EIF2AK1: variants seen among roughly 807,000 people sequenced by gnomAD.
EIF2AK1 encodes the protein eukaryotic translation initiation factor 2-alpha kinase 1.
A neutral mutation model predicts 77.9 loss-of-function variants in EIF2AK1; 54 were observed. The observed-to-expected ratio is 0.69, with a 90% CI of 0.56 to 0.87. EIF2AK1 has a LOEUF of 0.87. Among genes scored for constraint, EIF2AK1 ranks in the 40% least tolerant of loss-of-function variants. The probability of loss-of-function intolerance (pLI) is 0.00; values close to 1 mark genes in which losing one functional copy is unlikely to be tolerated. For synonymous variants in EIF2AK1, 314 were observed against 290.5 expected (o/e 1.08, Z -0.82); for missense variants, 810 against 768.6 (o/e 1.05, Z -0.64).
chr7:6,023,113 T>C lies in EIF2AK1; in HGVS notation c.*1560A>G, dbSNP rs551032530. On this transcript the variant is annotated 3_prime_UTR_variant, in exon 15 of 15. Transcript: ENST00000199389. The stretch of plus-strand genomic sequence containing the variant: ...TGACTCTTTGGTTACTTTTTTAACA[T>C]AGTTTGCACTTAAACCCTTTTCAGT... The C allele has an allele frequency of 3.9e-5, 25 of 635,976 alleles. No homozygotes were observed. In the South Asian group the frequency reaches 6.1e-4, roughly 16 times the overall value. The allele number at this position is 635,976 out of a possible 1,614,324, so 39.4% of individuals were successfully genotyped here.
intron 12 of EIF2AK1, 75 bp downstream of exon 12, chr7:6,028,843 T>G: frequency 6.8e-7 from 1 of 1,461,864 alleles, no homozygotes; most frequent in East Asian, 2.3e-5. Context: ...ATCTTTATGA[T>G]TCTCTTTAAA....
In EIF2AK1 at chr7:6,059,072, G is replaced by A; in HGVS notation, c.12C>T (p.Gly4=). 2 of 1,447,444 alleles carry A rather than the reference G, an allele frequency of 1.4e-6. No homozygotes were observed. Among genetic ancestry groups the A allele is most frequent in the African/African-American group, 1.5e-5 (1 of 67,222 alleles). 89.7% of individuals were successfully genotyped at this position (1,447,444 alleles called of 1,614,324 possible). MQG[G]NSGVRKREEE... ...CTTCGCGCTTGCGGACCCCGGAGTT[G>A]CCCCCCTGCATCGCCGGCCGCGCGC... The change falls in exon 1 of 15, where the codon GGC becomes GGT. Residue 4 remains glycine (G), a synonymous_variant. Transcript: ENST00000199389.
chr7:6,031,674 T>A, intron 11 of EIF2AK1: 1 of 1,362,520 alleles, frequency 7.3e-7, no homozygotes, highest in Non-Finnish European at 1.0e-6. Flanking sequence ...GTGAACCCAC[T>A]AAGCTCACGG....
At chr7:6,025,293 C>T (rs113606686) in intron 14 of EIF2AK1, among the ~76,000 whole-genome samples, 18 of 152,332 alleles carry the variant, frequency 1.2e-4, no homozygotes, top group African/African-American at 3.6e-4. Flanking sequence ...TCAAGAACCA[C>T]ATCTGTGGCT....
intron 6 of EIF2AK1, 35 bp downstream of exon 6, chr7:6,046,036 A>G (rs1203180813): frequency 7.4e-7 from 1 of 1,357,234 alleles, no homozygotes; most frequent in South Asian, 1.3e-5. Context: ...CTAAATACAC[A>G]ATTATTCAAA....
chr7:6,025,152 A>G (rs1353750120), intron 14 of EIF2AK1, among the ~76,000 whole-genome samples: 1 of 151,844 alleles, frequency 6.6e-6, no homozygotes, highest in Non-Finnish European at 1.5e-5. Flanking sequence ...GTTTCATTTT[A>G]TACAAAAAAC....
intron 2 of EIF2AK1, among the ~76,000 whole-genome samples, chr7:6,053,234 A>C (rs1788657028): frequency 6.6e-6 from 1 of 152,134 alleles, no homozygotes; most frequent in African/African-American, 2.4e-5. Flanking sequence ...GTATATATTT[A>C]TGGGGGTACA....
rs377675878 is a variant in EIF2AK1, at chr7:6,028,925, G to A, written c.1440C>T (p.Asn480=). 2.7e-5 allele frequency: 43 copies of A among 1,597,768 alleles called. No homozygotes were observed. The highest frequency in any genetic ancestry group is 5.4e-5 in the African/African-American group (4 of 73,580). Residue 480 remains asparagine, a synonymous_variant, in exon 12 of 15, where the codon AAC becomes AAT. Coordinates refer to ENST00000199389, the MANE Select transcript of EIF2AK1 (RefSeq NM_014413.4). ...ACAAAACCAAAAACTTACTCTTCCC[G>A]TTTCTGTTGGTCCAGTCTGTGTTCT... The part of the protein sequence containing the change: ...LQKNTDWTNR[N]GKRTPTHTSR...
chr7:6,040,228 T>C (rs534621118), intron 9 of EIF2AK1, among the ~76,000 whole-genome samples: 1 of 152,204 alleles, frequency 6.6e-6, no homozygotes, highest in East Asian at 1.9e-4. Flanking sequence ...AATTTTTGTA[T>C]TTTTAGTAGA....
At position 6,059,023 on chromosome 7, in the gene EIF2AK1, C is replaced by A; in HGVS notation, c.61G>T (p.Val21Leu). 1 of 1,527,812 alleles carries A rather than the reference C, an allele frequency of 6.5e-7. No individual in the cohort carries two copies. Among genetic ancestry groups the A allele is most frequent in the Non-Finnish European group, 8.8e-7 (1 of 1,142,500 alleles). The allele number at this position is 1,527,812 out of a possible 1,614,324, so 94.6% of individuals were successfully genotyped here. A position where few individuals can be genotyped will look rare whatever the true frequency, so the allele number is the denominator to read the frequency against. ...AAGTCGATGGCCGGCGGCGCAGCCA[C>A]AGCCCCAGCCCCGTCGCCCTCCTCT... ...REEEGDGAGA[V>L]AAPPAIDFPA... is the part of the protein sequence containing the mutation. Residue 21 changes from valine (V) to leucine (L), a missense_variant, in exon 1 of 15, where the codon GTG (valine) becomes TTG (leucine). By Grantham distance (32) the Val-to-Leu change is conservative (BLOSUM62 1). Transcript: ENST00000199389.
chr7:6,052,554 A>G (rs1788635410), intron 2 of EIF2AK1, among the ~76,000 whole-genome samples: 1 of 150,612 alleles, frequency 6.6e-6, no homozygotes, highest in African/African-American at 2.4e-5. Flanking sequence ...AGACCACATA[A>G]AAGTATCTAT....
chr7:6,046,835 G>C, intron 5 of EIF2AK1, 157 bp downstream of exon 5: 2 of 582,568 alleles, frequency 3.4e-6, no homozygotes, highest in Non-Finnish European at 5.8e-6. Context: ...CAGGGAGTCA[G>C]AGGTTGCAGT....
At chr7:6,058,836 C>T in intron 1 of EIF2AK1, 130 bp downstream of exon 1, 1 of 762,548 alleles carries the variant, frequency 1.3e-6, no homozygotes, top group Non-Finnish European at 1.9e-6. Context: ...CGCGGCTGGG[C>T]CGCCGGTTCA....
At chr7:6,045,367 A>C (rs1461220474) in intron 6 of EIF2AK1, among the ~76,000 whole-genome samples, 1 of 152,232 alleles carries the variant, frequency 6.6e-6, no homozygotes, top group East Asian at 1.9e-4. Context: ...TCGCCTCCCA[A>C]AGTGCTGGGA....
chr7:6,054,473 G>A (rs1464229202), intron 2 of EIF2AK1, 73 bp downstream of exon 2: 1 of 1,552,740 alleles, frequency 6.4e-7, no homozygotes, highest in Non-Finnish European at 8.8e-7. Context: ...CAAAGTGCTG[G>A]GATTACAGGC....
chr7:6,041,291 C>T, intron 8 of EIF2AK1, 72 bp from the exon 9 acceptor site: 1 of 1,467,238 alleles, frequency 6.8e-7, no homozygotes, highest in African/African-American at 1.4e-5. Flanking sequence ...GTAATCCCAG[C>T]ACTTTGGGAG....
At chr7:6,030,038 T>C (rs115436396) in intron 11 of EIF2AK1, among the ~76,000 whole-genome samples, 298 of 152,288 alleles carry the variant, frequency 2.0e-3, no homozygotes, top group African/African-American at 6.9e-3. Flanking sequence ...TGATTTTCTA[T>C]GTGTGAGAAA....
rs2639 is a variant in EIF2AK1 at position 6,026,830 on chromosome 7, T to C, written c.1662A>G (p.Pro554=). ...QLPESLRKRC[P]VQAKYIQHLT... Reference sequence around the variant, plus strand: ...AGTGCTGGATATACTTGGCTTGCACTGGACACCTTTTACGGAGGGATTCCG... The same window carrying C: ...AGTGCTGGATATACTTGGCTTGCACCGGACACCTTTTACGGAGGGATTCCG... The change falls in exon 14 of 15, where the codon CCA becomes CCG. Residue 554 remains proline, a synonymous_variant. Coordinates refer to ENST00000199389, the MANE Select transcript of EIF2AK1 (RefSeq NM_014413.4). 369,531 of 1,613,782 alleles carry C rather than the reference T, an allele frequency of 0.23. 46,497 individuals carry two copies. The highest frequency in any genetic ancestry group is 0.47 in the East Asian group (21,126 of 44,862).
chr7:6,039,729 C>G (rs539271733), intron 9 of EIF2AK1, among the ~76,000 whole-genome samples: 2 of 150,384 alleles, frequency 1.3e-5, no homozygotes, highest in Non-Finnish European at 2.9e-5. Context: ...GAGGTCAGGA[C>G]TTTGATACCA....
Sources: gnomAD v4.1 joint callset for allele counts (sites outside exome capture counted in the v4.1 genomes callset) on GRCh38, gnomAD v4.1.1 for gene constraint, MANE v1.5 for transcripts, NCBI Gene and HGNC (gene_info 2026-07-23, HGNC 2026-07-21) for gene names.